PSG5: variants seen among roughly 807,000 people sequenced by gnomAD.
PSG5 encodes the protein pregnancy-specific beta-1-glycoprotein 5.
In PSG5, 53 loss-of-function variants were observed where a neutral mutation model predicts 37.7. That is an observed-to-expected ratio of 1.41 (90% CI 1.13 to 1.77). PSG5 has a LOEUF of 1.77. Ranked by LOEUF, PSG5 falls within the 40% of genes most tolerant of loss-of-function variation. The probability of loss-of-function intolerance (pLI) is 0.00; values close to 1 mark genes in which losing one functional copy is unlikely to be tolerated. For missense variants in PSG5, 547 were observed against 405.2 expected (o/e 1.35, Z -3.00); for synonymous variants, 221 against 155.4 (o/e 1.42, Z -3.14).
intron 2 of PSG5, among the ~76,000 whole-genome samples, chr19:43,177,471 A>G (rs1599749511): frequency 6.6e-6 from 1 of 151,596 alleles, no homozygotes; most frequent in South Asian, 2.1e-4. Context: ...ATTAGTGGGC[A>G]AAAGTGGGAG....
intron 1 of PSG5, among the ~76,000 whole-genome samples, 180 bp downstream of exon 1, chr19:43,186,162 G>C (rs1024026981): frequency 5.3e-5 from 8 of 151,128 alleles, no homozygotes; most frequent in African/African-American, 1.5e-4. Context: ...ATTTTTAGTA[G>C]AGACAGGGCT....
rs773039121 is a variant in PSG5, at chr19:43,184,849, G to A, written c.363C>T (p.Thr121=). 1.9e-6 allele frequency: 3 copies of A among 1,612,528 alleles called. No individual in the cohort carries two copies. Among genetic ancestry groups the A allele is most frequent in the South Asian group, 1.1e-5 (1 of 91,028 alleles). The change falls in exon 2 of 6, where the codon ACC becomes ACT. Residue 121 remains threonine, a synonymous_variant. Coordinates refer to ENST00000342951, the MANE Select transcript of PSG5 (RefSeq NM_002781.4). ...NVTREDAGSY[T]LHIIKRGDRT... The stretch of plus-strand genomic sequence containing the variant: ...TATCACCTCGCTTTATGATGTGTAA[G>A]GTGTAGGATCCTGCGTCTTCCCGGG...
chr19:43,181,866 A>T (rs1458082159), intron 2 of PSG5, among the ~76,000 whole-genome samples: 1 of 151,740 alleles, frequency 6.6e-6, no homozygotes, highest in Non-Finnish European at 1.5e-5. Flanking sequence ...GGAAGCCAGA[A>T]GTCTCTAAGA....
intron 2 of PSG5, among the ~76,000 whole-genome samples, chr19:43,177,297 C>G (rs1461642681): frequency 1.3e-5 from 2 of 149,974 alleles, no homozygotes; most frequent in African/African-American, 2.5e-5. Context: ...ATAGTTCACA[C>G]AGATTGAGTA....
At position 43,185,072 on chromosome 19, in the gene PSG5, T is replaced by C; in HGVS notation, c.140A>G (p.Glu47Gly). 6.2e-7 allele frequency: 1 copy of C among 1,612,350 alleles called. No individual in the cohort carries two copies. ...TIEALPPKVS[E>G]GKDVLLLVHN... is the part of the protein sequence containing the mutation. ...GACAAGTAGAAGAACATCCTTCCCCTCGGAAACTTTGGGTGGCAGGGCTTC... is the reference window on the plus strand; with the variant it reads ...GACAAGTAGAAGAACATCCTTCCCCCCGGAAACTTTGGGTGGCAGGGCTTC... The change falls in exon 2 of 6, where the codon GAG (glutamate) becomes GGG (glycine). Residue 47 changes from glutamate to glycine, a missense_variant. Glu to Gly is a moderately conservative substitution (Grantham distance 98). Transcript: ENST00000342951.
chr19:43,170,938 C>A (rs572767667), intron 4 of PSG5: 1 of 151,538 alleles, frequency 6.6e-6, no homozygotes, highest in South Asian at 2.1e-4. Flanking sequence ...CCTTCTCTCC[C>A]ACAAGTAGTC....
intron 1 of PSG5, among the ~76,000 whole-genome samples, chr19:43,185,362 T>C (rs536950596): frequency 4.6e-5 from 7 of 151,094 alleles, no homozygotes; most frequent in African/African-American, 1.2e-4. Context: ...GCGTGACCCC[T>C]ATTCCTTCAA....
chr19:43,176,750 G>C (rs558407809), intron 2 of PSG5, among the ~76,000 whole-genome samples: 1 of 150,538 alleles, frequency 6.6e-6, no homozygotes, highest in Non-Finnish European at 1.5e-5. Flanking sequence ...GCAGTGTTTT[G>C]CAGGTGTTTC....
At chr19:43,177,512 T>A (rs1969035840) in intron 2 of PSG5, among the ~76,000 whole-genome samples, 1 of 151,450 alleles carries the variant, frequency 6.6e-6, no homozygotes, top group Non-Finnish European at 1.5e-5. Context: ...CTGCCCTTTT[T>A]TTTTTTTATC....
intron 2 of PSG5, among the ~76,000 whole-genome samples, chr19:43,177,048 G>C (rs1394092522): frequency 6.6e-6 from 1 of 151,738 alleles, no homozygotes; most frequent in African/African-American, 2.4e-5. Context: ...TGATGGATAT[G>C]AGACAAATTT....
Position 43,175,508 on chromosome 19 carries a change from A to G in PSG5, c.710-39T>C, listed in dbSNP as rs57854606. ...AATGAAGCCACAGGTGATGTCATCC[A>G]AGGGAAGGGGATGCTCCTGGTCTCT... On this transcript the variant is annotated intron_variant, in intron 3 of 5. Coordinates refer to ENST00000342951, the MANE Select transcript of PSG5 (RefSeq NM_002781.4). 7.6e-4 allele frequency: 1,198 copies of G among 1,574,472 alleles called. 35 individuals are homozygous for G. The African/African-American group carries it at 0.014, about 18-fold the overall frequency.
At chr19:43,174,549 G>A (rs546990172) in intron 4 of PSG5, 16 of 884,732 alleles carry the variant, frequency 1.8e-5, no homozygotes, top group Non-Finnish European at 2.0e-5. Context: ...AGGACGCAAC[G>A]CAGGAGTCTT....
intron 2 of PSG5, 37 bp downstream of exon 2, chr19:43,184,745 G>T (rs1426018520): frequency 1.9e-6 from 3 of 1,602,230 alleles, no homozygotes; most frequent in East Asian, 2.2e-5. Context: ...AATGACCCCT[G>T]TCCCCCAACA....
chr19:43,186,221 C>A lies in PSG5; in HGVS notation c.64+121G>T, dbSNP rs1236652322. Reference sequence around the variant, plus strand: ...TTGAACTCCTGATCTCATAATCCACCCACCTCATCCTCCCAAAGTGCTGGC... The same window carrying A: ...TTGAACTCCTGATCTCATAATCCACACACCTCATCCTCCCAAAGTGCTGGC... On this transcript the variant is annotated intron_variant, in intron 1 of 5. Coordinates refer to ENST00000342951, the MANE Select transcript of PSG5 (RefSeq NM_002781.4). The A allele has an allele frequency of 5.9e-6, 9 of 1,519,048 alleles. No individual in the cohort carries two copies. In the East Asian group the frequency reaches 1.4e-4, roughly 23 times the overall value. 94.1% of individuals were successfully genotyped at this position (1,519,048 alleles called of 1,614,324 possible).
Position 43,184,796 on chromosome 19 carries a change from G to T in PSG5, c.416C>A (p.Thr139Asn). Reference sequence around the variant, plus strand: ...GAATCACTCACGGTATAAGTTGAAGGTGAAATATCCAGTTACTCCTCTAGT... The same window carrying T: ...GAATCACTCACGGTATAAGTTGAAGTTGAAATATCCAGTTACTCCTCTAGT... ...DRTRGVTGYF[T>N]FNLYLKLPKP... The change falls in exon 2 of 6, where the codon ACC becomes AAC. Residue 139 changes from threonine to asparagine, a missense_variant. Thr to Asn is a moderately conservative substitution (Grantham distance 65). Transcript: ENST00000342951. 6.2e-7 allele frequency: 1 copy of T among 1,612,292 alleles called. No individual in the cohort carries two copies. Among genetic ancestry groups the T allele is most frequent in the South Asian group, 1.1e-5 (1 of 90,998 alleles).
intron 2 of PSG5, among the ~76,000 whole-genome samples, chr19:43,179,879 C>A (rs1599752054): frequency 6.6e-6 from 1 of 151,720 alleles, no homozygotes; most frequent in African/African-American, 2.4e-5. Context: ...ACCATTGTTC[C>A]CTGTTCTGGG....
At chr19:43,181,579 C>T (rs1285430241) in intron 2 of PSG5, among the ~76,000 whole-genome samples, 1 of 151,674 alleles carries the variant, frequency 6.6e-6, no homozygotes, top group Admixed American at 6.6e-5. Flanking sequence ...CTGGCTCAGC[C>T]TACCAAGTAG....
chr19:43,177,808 G>T (rs59054925), intron 2 of PSG5, among the ~76,000 whole-genome samples: 2,327 of 151,558 alleles, frequency 0.015, 95 homozygotes, highest in East Asian at 0.1. Flanking sequence ...CTTGCTTTGG[G>T]TAGTATTGTC....
chr19:43,179,958 G>A lies in PSG5; in HGVS notation c.431-3810C>T, dbSNP rs1388415098. 1.3e-4 allele frequency among the ~76,000 whole-genome samples: 19 copies of A among 151,808 alleles called. 1 individual carries two copies. Among genetic ancestry groups the A allele is most frequent in the Admixed American group, 6.6e-5 (1 of 15,220 alleles). ...TGTGGATCTTCTAGAAATACATGTGGATGTTTGCAAATGCAGCACTGACTG... is the reference window on the plus strand; with the variant it reads ...TGTGGATCTTCTAGAAATACATGTGAATGTTTGCAAATGCAGCACTGACTG... On this transcript the variant is annotated intron_variant, in intron 2 of 5. Transcript: ENST00000342951.
Sources: allele counts gnomAD v4.1 joint callset (sites outside exome capture counted in the v4.1 genomes callset), GRCh38; gene constraint gnomAD v4.1.1; transcripts MANE v1.5; gene names NCBI Gene and HGNC (gene_info 2026-07-23, HGNC 2026-07-21).